Variants in TMEM116 observed in about 807,000 individuals in gnomAD.
TMEM116 encodes the protein transmembrane protein 116.
TMEM116 carries 38 observed loss-of-function variants against 44.3 expected under a neutral mutation model. The ratio of observed to expected loss-of-function variants is 0.86; its 90% CI spans 0.66 to 1.12. TMEM116 has a LOEUF of 1.12. Among genes scored for constraint, TMEM116 ranks in the 50% most tolerant of loss-of-function variants. The probability of loss-of-function intolerance (pLI) is 0.00; values close to 1 mark genes in which losing one functional copy is unlikely to be tolerated. For missense variants in TMEM116, 354 were observed against 401.7 expected (o/e 0.88, Z 1.01); for synonymous variants, 132 against 144.8 (o/e 0.91, Z 0.64).
At chr12:111,936,539 A>G in intron 8 of TMEM116, 153 bp downstream of exon 8, 2 of 718,666 alleles carry the variant, frequency 2.8e-6, no homozygotes, top group Non-Finnish European at 4.4e-6. Context: ...AGTCTGAGGC[A>G]GTAATTATAT....
chr12:111,992,338 C>T (rs1439475157), intron 3 of TMEM116, among the ~76,000 whole-genome samples: 3 of 151,066 alleles, frequency 2.0e-5, no homozygotes, highest in Non-Finnish European at 4.4e-5. Flanking sequence ...GGCACGATCT[C>T]GGCTCATTGC....
At chr12:111,941,967 T>C (rs1164023147) in intron 5 of TMEM116, among the ~76,000 whole-genome samples, 1 of 152,210 alleles carries the variant, frequency 6.6e-6, no homozygotes, top group African/African-American at 2.4e-5. Context: ...AGACAGAGTT[T>C]TGCTCTCGTT....
chr12:111,941,778 C>G (rs897598398), intron 5 of TMEM116, among the ~76,000 whole-genome samples: 1 of 152,050 alleles, frequency 6.6e-6, no homozygotes, highest in Admixed American at 6.6e-5. Context: ...GCATTCTCTG[C>G]CCCTACCCTT....
intron 4 of TMEM116, among the ~76,000 whole-genome samples, chr12:111,974,896 T>C (rs1442296658): frequency 2.6e-5 from 4 of 152,134 alleles, no homozygotes; most frequent in African/African-American, 9.7e-5. Flanking sequence ...AAAAATGTTA[T>C]TTCAATAGCA....
At chr12:111,953,539 C>A (rs2073886248) in intron 4 of TMEM116, among the ~76,000 whole-genome samples, 1 of 152,144 alleles carries the variant, frequency 6.6e-6, no homozygotes, top group African/African-American at 2.4e-5. Flanking sequence ...CACAAAAGAT[C>A]CTGCAAAAAT....
At chr12:112,005,495 T>C (rs1392993032) in intron 1 of TMEM116, 192 bp from the exon 2 acceptor site, 1 of 479,348 alleles carries the variant, frequency 2.1e-6, no homozygotes, top group South Asian at 1.1e-4. Flanking sequence ...TTTTCCTCTC[T>C]TATTTCTATT....
intron 4 of TMEM116, among the ~76,000 whole-genome samples, chr12:111,981,827 T>C (rs1565935178): frequency 1.3e-5 from 2 of 152,214 alleles, no homozygotes; most frequent in Non-Finnish European, 2.9e-5. Context: ...ATGTTATATA[T>C]ACATAATGGA....
At chr12:112,005,730 A>C (rs1028193217) in intron 1 of TMEM116, 2 of 981,792 alleles carry the variant, frequency 2.0e-6, no homozygotes, top group African/African-American at 3.5e-5. Flanking sequence ...AGAAAAAGTT[A>C]AATGTTGAGA....
intron 5 of TMEM116, among the ~76,000 whole-genome samples, chr12:111,941,553 T>C (rs1474469655): frequency 6.6e-6 from 1 of 152,186 alleles, no homozygotes; most frequent in Admixed American, 6.5e-5. Flanking sequence ...CTAGCCACAT[T>C]ATAAGTTTTC....
intron 4 of TMEM116, among the ~76,000 whole-genome samples, chr12:111,955,875 G>A (rs1322065370): frequency 6.6e-6 from 1 of 152,116 alleles, no homozygotes; most frequent in Non-Finnish European, 1.5e-5. Context: ...AGGAGCTGTA[G>A]GCTATACCAT....
intron 4 of TMEM116, among the ~76,000 whole-genome samples, chr12:111,971,224 ACC>A (rs1415210934): frequency 5.3e-5 from 8 of 152,202 alleles, no homozygotes; most frequent in African/African-American, 1.9e-4. Context: ...AATGAAGAGC[ACC>A]AGAAATGGTA....
At chr12:111,971,800 C>G (rs1241142094) in intron 4 of TMEM116, among the ~76,000 whole-genome samples, 2 of 152,020 alleles carry the variant, frequency 1.3e-5, no homozygotes, top group African/African-American at 4.8e-5. Context: ...AATAGGTGGG[C>G]TCAGTGGCTC....
chr12:111,939,988 T>C (rs917722104), intron 5 of TMEM116, among the ~76,000 whole-genome samples: 3 of 150,152 alleles, frequency 2.0e-5, no homozygotes, highest in African/African-American at 7.4e-5. Flanking sequence ...TATCTTAGGC[T>C]ATGGTTGGGC....
At chr12:111,978,311 G>T (rs2075775352) in intron 4 of TMEM116, among the ~76,000 whole-genome samples, 1 of 151,878 alleles carries the variant, frequency 6.6e-6, no homozygotes, top group African/African-American at 2.4e-5. Context: ...TGAGGCAGGA[G>T]AATCGCTTGA....
Position 111,931,622 on chromosome 12 carries a change from C to CA in TMEM116, c.1012dup (p.Ter338LeufsTer32). 6.2e-7 allele frequency: 1 copy of CA among 1,613,726 alleles called. No homozygotes were observed. Among genetic ancestry groups the CA allele is most frequent in the Non-Finnish European group, 8.5e-7 (1 of 1,179,716 alleles). On this transcript the variant is annotated frameshift_variant and stop_lost, in exon 11 of 11. Coordinates refer to ENST00000552374, the MANE Select transcript of TMEM116 (RefSeq NM_001193531.2). LOFTEE classifies it high-confidence loss of function. Reference sequence around the variant, plus strand: ...CCTGGATGTTCCAGTATTGTAGTTTCAAAAAATGGTAGAAGTACTGGCAGG... The same window carrying CA: ...CCTGGATGTTCCAGTATTGTAGTTTCAAAAAAATGGTAGAAGTACTGGCAGG...
intron 4 of TMEM116, among the ~76,000 whole-genome samples, chr12:111,950,149 A>C (rs1565888072): frequency 6.6e-6 from 1 of 152,070 alleles, no homozygotes; most frequent in African/African-American, 2.4e-5. Context: ...AACAAAAAAA[A>C]CAACCAAAAA....
In TMEM116 at chr12:111,980,456, C is replaced by T. The variant is rs555436054; in HGVS notation, c.210+11302G>A. Among the ~76,000 whole-genome samples the T allele has an allele frequency of 2.0e-5, 3 of 152,028 alleles. No homozygotes were observed. In the South Asian group the frequency reaches 6.2e-4, roughly 32 times the overall value. ...ATATATGAATAAAAAATTTTAGGAC[C>T]GTGAAACTATTCTGGATGATACTAT... On this transcript the variant is annotated intron_variant, in intron 4 of 10. Transcript: ENST00000552374.
chr12:111,991,732 T>C (rs2076613360), intron 4 of TMEM116, 26 bp downstream of exon 4: 2 of 1,531,716 alleles, frequency 1.3e-6, no homozygotes, highest in Non-Finnish European at 1.7e-6. Context: ...TCTTGCAAGG[T>C]GCAGTGACAG....
intron 3 of TMEM116, among the ~76,000 whole-genome samples, chr12:111,996,248 C>T (rs1322022041): frequency 1.3e-5 from 2 of 151,488 alleles, no homozygotes; most frequent in Non-Finnish European, 2.9e-5. Context: ...GAGTCTGTGT[C>T]AAGACACCAT....
Sources: allele counts gnomAD v4.1 joint callset (sites outside exome capture counted in the v4.1 genomes callset), GRCh38; gene constraint gnomAD v4.1.1; transcripts MANE v1.5; gene names NCBI Gene and HGNC (gene_info 2026-07-23, HGNC 2026-07-21).